The following ANO3 variants were observed in gnomAD, a reference collection of about 807,000 sequenced individuals.
ANO3 encodes anoctamin 3, also known as anoctamin-3.
A neutral mutation model predicts 144.8 loss-of-function variants in ANO3; 99 were observed. That is an observed-to-expected ratio of 0.68 (90% CI 0.58 to 0.81). The LOEUF is 0.81. Among genes scored for constraint, ANO3 ranks in the 30% least tolerant of loss-of-function variants. ANO3 has a pLI of 0.00. For missense variants in ANO3, 905 were observed against 1,202.2 expected (o/e 0.75, Z 3.66); for synonymous variants, 414 against 392.6 (o/e 1.05, Z -0.64).
At chr11:26,598,333 G>A in intron 14 of ANO3, 32 bp from the exon 15 acceptor site, 4 of 1,245,170 alleles carry the variant, frequency 3.2e-6, no homozygotes, top group African/African-American at 1.5e-5. Context: ...GATGTGATTT[G>A]GGTAAAGAAT....
chr11:26,223,328 T>C (rs1022928288), intron 1 of ANO3, among the ~76,000 whole-genome samples: 2 of 152,132 alleles, frequency 1.3e-5, no homozygotes, highest in African/African-American at 4.8e-5. Context: ...TTTACTCAAG[T>C]TCCCAAATAA....
chr11:26,364,084 G>C (rs1451516993), intron 1 of ANO3, among the ~76,000 whole-genome samples: 1 of 152,178 alleles, frequency 6.6e-6, no homozygotes, highest in Non-Finnish European at 1.5e-5. Flanking sequence ...TTGCATCAAA[G>C]ATGTTTTAAC....
At chr11:26,471,105 A>T (rs909255250) in intron 4 of ANO3, among the ~76,000 whole-genome samples, 45 of 152,016 alleles carry the variant, frequency 3.0e-4, no homozygotes, top group African/African-American at 1.1e-3. Context: ...ATTAGGTAGT[A>T]ATACTCTCAT....
intron 14 of ANO3, among the ~76,000 whole-genome samples, chr11:26,597,306 C>A (rs558998351): frequency 6.6e-6 from 1 of 152,210 alleles, no homozygotes; most frequent in East Asian, 1.9e-4. Context: ...TTGGGCCATG[C>A]GATGAGTGAT....
chr11:26,445,471 T>C (rs1026835255), intron 3 of ANO3, among the ~76,000 whole-genome samples: 2 of 152,206 alleles, frequency 1.3e-5, no homozygotes, highest in African/African-American at 4.8e-5. Flanking sequence ...ATGCTTAACA[T>C]AATTGGATGC....
chr11:26,531,416 A>G (rs930989200), intron 8 of ANO3, 80 bp downstream of exon 8: 106 of 1,449,178 alleles, frequency 7.3e-5, no homozygotes, highest in Non-Finnish European at 9.4e-5. Flanking sequence ...ACCTGGGACC[A>G]TTTCCATTGT....
chr11:26,441,819 T>C, intron 1 of ANO3, 99 bp from the exon 2 acceptor site: 1 of 818,170 alleles, frequency 1.2e-6, no homozygotes, highest in Non-Finnish European at 2.0e-6. Context: ...CACTTTTCAA[T>C]AGTTCATTCC....
chr11:26,555,115 C>T (rs1016279445), intron 13 of ANO3, among the ~76,000 whole-genome samples: 3 of 152,108 alleles, frequency 2.0e-5, no homozygotes, highest in Non-Finnish European at 2.9e-5. Context: ...AAGTCTGTTT[C>T]GTTTATACTT....
intron 4 of ANO3, among the ~76,000 whole-genome samples, chr11:26,479,975 G>A (rs961485972): frequency 2.0e-5 from 3 of 152,160 alleles, no homozygotes; most frequent in African/African-American, 4.8e-5. Flanking sequence ...CAGAGGAAAA[G>A]GTTTGGACAG....
intron 18 of ANO3, among the ~76,000 whole-genome samples, chr11:26,631,295 G>C (rs774835732): frequency 2.6e-5 from 4 of 151,354 alleles, no homozygotes; most frequent in Admixed American, 6.6e-5. Flanking sequence ...GTTTATTTTT[G>C]TTCTTTCATT....
chr11:26,455,396 G>A (rs1420717982), intron 3 of ANO3, among the ~76,000 whole-genome samples: 3 of 151,504 alleles, frequency 2.0e-5, no homozygotes. Flanking sequence ...CAAAATCAAT[G>A]TACAAAAATC....
chr11:26,376,035 G>C (rs546290407), intron 1 of ANO3, among the ~76,000 whole-genome samples: 35 of 152,082 alleles, frequency 2.3e-4, no homozygotes, highest in Non-Finnish European at 4.6e-4. Context: ...GTTAAAAATG[G>C]TAAAGGGAAT....
chr11:26,559,487 G>A (rs982127065), intron 13 of ANO3: 1 of 467,930 alleles, frequency 2.1e-6, no homozygotes, highest in Non-Finnish European at 3.8e-6. Flanking sequence ...GGTATAAAGG[G>A]AATCAAGAGA....
chr11:26,548,024 T>A (rs966470843), intron 12 of ANO3, among the ~76,000 whole-genome samples: 4 of 151,968 alleles, frequency 2.6e-5, no homozygotes, highest in African/African-American at 9.7e-5. Flanking sequence ...CCTAATATAC[T>A]TAAAGATGTC....
At chr11:26,258,286 A>G (rs1853105044) in intron 1 of ANO3, among the ~76,000 whole-genome samples, 1 of 152,162 alleles carries the variant, frequency 6.6e-6, no homozygotes, top group African/African-American at 2.4e-5. Context: ...ACCTCAATTA[A>G]CAGTCTTATT....
chr11:26,616,200 G>A (rs1434550557), intron 17 of ANO3, among the ~76,000 whole-genome samples: 1 of 152,072 alleles, frequency 6.6e-6, no homozygotes, highest in Non-Finnish European at 1.5e-5. Flanking sequence ...AAAAATGTTA[G>A]AAATGCTAAA....
intron 6 of ANO3, among the ~76,000 whole-genome samples, chr11:26,524,504 C>T (rs531465008): frequency 1.3e-5 from 2 of 152,062 alleles, no homozygotes; most frequent in Non-Finnish European, 2.9e-5. Context: ...TCCTATTAAC[C>T]CTGCTTTCTA....
chr11:26,534,570 CATTA>C lies in ANO3; in HGVS notation c.976+15_976+18del. On this transcript the variant is annotated intron_variant, in intron 9 of 26. Coordinates refer to ENST00000256737, the MANE Select transcript of ANO3 (RefSeq NM_031418.4). The stretch of plus-strand genomic sequence containing the variant: ...ATGGAATATCAAAAGTGGGTAAGAA[CATTA>C]ATTAATAACAGAGTAGAACTTGCTG... 2 of 1,573,734 alleles carry C rather than the reference CATTA, an allele frequency of 1.3e-6. No individual in the cohort carries two copies. Among genetic ancestry groups the C allele is most frequent in the Non-Finnish European group, 1.7e-6 (2 of 1,144,460 alleles).
intron 1 of ANO3, among the ~76,000 whole-genome samples, chr11:26,438,046 T>C (rs1473909132): frequency 9.7e-6 from 1 of 103,206 alleles, no homozygotes; most frequent in Non-Finnish European, 2.1e-5. Context: ...AACAAAAAAA[T>C]AATAAACTGG....
Sources: gnomAD v4.1 joint callset for allele counts (sites outside exome capture counted in the v4.1 genomes callset) on GRCh38, gnomAD v4.1.1 for gene constraint, MANE v1.5 for transcripts, NCBI Gene and HGNC (gene_info 2026-07-23, HGNC 2026-07-21) for gene names.